Variants in HOOK3 observed in about 807,000 individuals in gnomAD.
HOOK3 encodes protein Hook homolog 3.
In HOOK3, 24 loss-of-function variants were observed where a neutral mutation model predicts 116.3. The observed-to-expected ratio is 0.21, with a 90% confidence interval of 0.15 to 0.29. HOOK3 has a LOEUF of 0.29. HOOK3 is among the 10% of genes least tolerant of loss of function. The probability of loss-of-function intolerance (pLI) is 1.00; values close to 1 mark genes in which losing one functional copy is unlikely to be tolerated. For synonymous variants in HOOK3, 275 were observed against 283.0 expected (o/e 0.97, Z 0.28); for missense variants, 632 against 830.2 (o/e 0.76, Z 2.93).
At chr8:42,909,880 A>G (rs1807389086) in intron 2 of HOOK3, among the ~76,000 whole-genome samples, 1 of 152,248 alleles carries the variant, frequency 6.6e-6, no homozygotes, top group Non-Finnish European at 1.5e-5. Flanking sequence ...TGTGGAATCT[A>G]AAACAATTGA....
Position 42,981,890 on chromosome 8 carries a change from A to G in HOOK3, c.1322-737A>G, listed in dbSNP as rs1272018459. ...CAGAGTGAGACTCTGTCTCAAAAAA[A>G]AAAAAAAAAAGAATAAGGAATATTT... is the stretch of plus-strand genomic sequence containing the variant. On this transcript the variant is annotated intron_variant, in intron 13 of 21. Coordinates refer to ENST00000307602, the MANE Select transcript of HOOK3 (RefSeq NM_032410.4). Among the ~76,000 whole-genome samples, 15 of 150,714 alleles carry G rather than the reference A, an allele frequency of 1.0e-4. 1 individual carries two copies. The highest frequency in any genetic ancestry group is 9.9e-4 in the Admixed American group (15 of 15,082).
chr8:42,974,721 C>T (rs1226405463), intron 13 of HOOK3, among the ~76,000 whole-genome samples: 1 of 152,202 alleles, frequency 6.6e-6, no homozygotes, highest in Non-Finnish European at 1.5e-5. Context: ...GAGCCAATTT[C>T]CAAATTAGTC....
chr8:42,989,244 G>A (rs1222411945), intron 15 of HOOK3, among the ~76,000 whole-genome samples: 1 of 152,138 alleles, frequency 6.6e-6, no homozygotes, highest in Non-Finnish European at 1.5e-5. Flanking sequence ...AGCTCACCCT[G>A]TCCCTGCATC....
intron 16 of HOOK3, chr8:42,998,294 A>C (rs994222773): frequency 6.6e-6 from 1 of 152,484 alleles, no homozygotes; most frequent in African/African-American, 2.4e-5. Flanking sequence ...CAAATCCTTT[A>C]TGTTTAATGA....
intron 2 of HOOK3, among the ~76,000 whole-genome samples, chr8:42,922,231 A>C (rs1807671302): frequency 6.6e-6 from 1 of 151,370 alleles, no homozygotes; most frequent in African/African-American, 2.5e-5. Flanking sequence ...AAGATAGATA[A>C]ATTGAACCTC....
At chr8:43,012,623 A>C (rs1409095907) in intron 19 of HOOK3, among the ~76,000 whole-genome samples, 1 of 152,150 alleles carries the variant, frequency 6.6e-6, no homozygotes, top group African/African-American at 2.4e-5. Flanking sequence ...TTTTTTAGAC[A>C]GATTCTTGCT....
At chr8:42,940,420 G>C (rs1223638741) in intron 4 of HOOK3, among the ~76,000 whole-genome samples, 1 of 152,270 alleles carries the variant, frequency 6.6e-6, no homozygotes, top group Non-Finnish European at 1.5e-5. Context: ...GCAGTGAGCC[G>C]AGATGGCAGC....
intron 21 of HOOK3, among the ~76,000 whole-genome samples, chr8:43,017,119 C>T (rs983377459): frequency 1.3e-5 from 2 of 152,194 alleles, no homozygotes; most frequent in African/African-American, 4.8e-5. Context: ...TCATTGCATC[C>T]CGTAGTTTGG....
chr8:42,920,031 G>T (rs1223898807), intron 2 of HOOK3, among the ~76,000 whole-genome samples: 5 of 152,090 alleles, frequency 3.3e-5, no homozygotes, highest in Non-Finnish European at 7.4e-5. Flanking sequence ...AAATTAGTGG[G>T]CTTTTCCTTT....
chr8:42,897,436 C>G (rs1420009116), intron 1 of HOOK3: 4 of 245,490 alleles, frequency 1.6e-5, no homozygotes, highest in Non-Finnish European at 3.1e-5. Context: ...GGGATCCGTG[C>G]GGCTGCTCGC....
chr8:42,951,131 G>A (rs113159147), intron 6 of HOOK3, among the ~76,000 whole-genome samples: 1 of 151,914 alleles, frequency 6.6e-6, no homozygotes, highest in East Asian at 1.9e-4. Context: ...TGTGATCTTG[G>A]CTCACTGCAA....
Position 42,897,390 on chromosome 8 carries a change from G to A in HOOK3, c.57+202G>A, listed in dbSNP as rs1186699052. On this transcript the variant is annotated intron_variant, in intron 1 of 21. Coordinates refer to ENST00000307602, the MANE Select transcript of HOOK3 (RefSeq NM_032410.4). ...GGCGTCGCTGTTCCGGGCGGACCCC[G>A]GCCGGGGCTGGGCTGGGAACGCGGC... 14 of 385,864 alleles carry A rather than the reference G, an allele frequency of 3.6e-5. No homozygotes were observed. The East Asian group carries it at 5.2e-4, about 14-fold the overall frequency. 23.9% of individuals were successfully genotyped at this position (385,864 alleles called of 1,614,324 possible). A position where few individuals can be genotyped will look rare whatever the true frequency, so the allele number is the denominator to read the frequency against.
At chr8:42,905,826 C>G (rs1297246702) in intron 1 of HOOK3, among the ~76,000 whole-genome samples, 1 of 151,336 alleles carries the variant, frequency 6.6e-6, no homozygotes, top group Admixed American at 6.6e-5. Context: ...TGGCTCACAC[C>G]TGTAATCCCA....
chr8:42,938,742 C>A (rs1284128673), intron 4 of HOOK3, among the ~76,000 whole-genome samples: 1 of 146,638 alleles, frequency 6.8e-6, no homozygotes, highest in Non-Finnish European at 1.5e-5. Context: ...TTTTATTGAT[C>A]ATTCTTGGGT....
At chr8:43,011,200 A>G (rs546559039) in intron 19 of HOOK3, among the ~76,000 whole-genome samples, 2 of 152,158 alleles carry the variant, frequency 1.3e-5, no homozygotes, top group East Asian at 3.9e-4. Flanking sequence ...TCACTGTGTT[A>G]GCCAGGATGG....
chr8:42,919,741 G>C (rs1425725845), intron 2 of HOOK3, among the ~76,000 whole-genome samples: 1 of 152,216 alleles, frequency 6.6e-6, no homozygotes, highest in Non-Finnish European at 1.5e-5. Context: ...AGGAGCTGGA[G>C]ACCAGCCCAG....
At chr8:42,927,262 G>GTTTT (rs1354079234) in intron 3 of HOOK3, among the ~76,000 whole-genome samples, 3 of 124,600 alleles carry the variant, frequency 2.4e-5, no homozygotes. Flanking sequence ...TTTTTTTTTG[G>GTTTT]TTTTTTTTTT....
In HOOK3 at chr8:42,966,547, A is replaced by G. The variant is rs201848738; in HGVS notation, c.854A>G (p.Gln285Arg). Residue 285 changes from glutamine to arginine, a missense_variant, in exon 10 of 22, where the codon CAG becomes CGG. Coordinates refer to ENST00000307602, the MANE Select transcript of HOOK3 (RefSeq NM_032410.4). ...LEKEISELRQ[Q>R]NDELTTLADE... ...AAGGAGATCTCTGAACTTCGGCAAC[A>G]GAATGATGAACTGACCACTTTGGCA... is the stretch of plus-strand genomic sequence containing the variant. 129 of 1,614,082 alleles carry G rather than the reference A, an allele frequency of 8.0e-5. No individual in the cohort carries two copies. Among genetic ancestry groups the G allele is most frequent in the Non-Finnish European group, 1.0e-4 (119 of 1,180,022 alleles).
At chr8:42,968,403 C>T (rs925748079) in intron 11 of HOOK3, among the ~76,000 whole-genome samples, 189 bp downstream of exon 11, 1 of 152,206 alleles carries the variant, frequency 6.6e-6, no homozygotes, top group African/African-American at 2.4e-5. Flanking sequence ...GATCTCAGCT[C>T]ACTGCAACCT....
Sources: gnomAD v4.1 joint callset for allele counts (sites outside exome capture counted in the v4.1 genomes callset) on GRCh38, gnomAD v4.1.1 for gene constraint, MANE v1.5 for transcripts, NCBI Gene and HGNC (gene_info 2026-07-23, HGNC 2026-07-21) for gene names.